The following TKT variants were observed in gnomAD, a reference collection of about 807,000 sequenced individuals.
The protein encoded by TKT is transketolase.
In TKT, 47 loss-of-function variants were observed where a neutral mutation model predicts 63.9. That is an observed-to-expected ratio of 0.74 (90% CI 0.58 to 0.94). TKT has a LOEUF of 0.94. TKT is among the 40% of genes least tolerant of loss of function. TKT has a pLI of 0.00. For missense variants in TKT, 721 were observed against 846.2 expected (o/e 0.85, Z 1.84); for synonymous variants, 338 against 334.1 (o/e 1.01, Z -0.13).
chr3:53,242,209 G>A lies in TKT; in HGVS notation c.141C>T (p.Ile47=). The A allele has an allele frequency of 6.2e-7, 1 of 1,614,138 alleles. No individual in the cohort carries two copies. Among genetic ancestry groups the A allele is most frequent in the Non-Finnish European group, 8.5e-7 (1 of 1,180,020 alleles). The change falls in exon 2 of 14, where the codon ATC becomes ATT. Residue 47 remains isoleucine, a synonymous_variant. Transcript: ENST00000462138. ...HPTSCCSAAE[I]MAVLFFHTMR... ...TGGTGTGGAAAAAGAGGACAGCCAT[G>A]ATCTCTGCGGCGCTGCAGCATGACG... is the stretch of plus-strand genomic sequence containing the variant.
chr3:53,227,032 G>A (rs1704530149), intron 12 of TKT, 154 bp from the exon 13 acceptor site: 1 of 905,800 alleles, frequency 1.1e-6, no homozygotes. Flanking sequence ...TTGCCACCTC[G>A]TTCCCATGGC....
At chr3:53,250,311 C>T (rs1705691184) in intron 1 of TKT, among the ~76,000 whole-genome samples, 1 of 152,130 alleles carries the variant, frequency 6.6e-6, no homozygotes. Context: ...TCAGCCAAAG[C>T]ACCTGGATGT....
At chr3:53,236,889 T>C (rs1299222101) in intron 4 of TKT, among the ~76,000 whole-genome samples, 2 of 152,138 alleles carry the variant, frequency 1.3e-5, no homozygotes, top group Non-Finnish European at 2.9e-5. Flanking sequence ...CCCTGAGGCT[T>C]GGTATTGCCT....
intron 1 of TKT, among the ~76,000 whole-genome samples, chr3:53,254,978 C>T (rs1553682058): frequency 2.0e-5 from 3 of 152,236 alleles, no homozygotes; most frequent in Non-Finnish European, 2.9e-5. Flanking sequence ...GGCCCTGCCC[C>T]AGGACGTCAC....
chr3:53,229,014 TTGGCGGCTAGTTCCAC>T lies in TKT; in HGVS notation c.1372_1387del (p.Val458IlefsTer34). 6.2e-7 allele frequency: 1 copy of T among 1,614,108 alleles called. No individual in the cohort carries two copies. The highest frequency in any genetic ancestry group is 8.5e-7 in the Non-Finnish European group (1 of 1,180,010). On this transcript the variant is annotated frameshift_variant, in exon 10 of 14. Transcript: ENST00000462138. LOFTEE classifies it high-confidence loss of function. ...AACAGCCATGCAACCTACCTTTGTA[TTGGCGGCTAGTTCCAC>T]TGCCTTCTCTGTAGCAACGCCATCA... is the stretch of plus-strand genomic sequence containing the variant.
At chr3:53,252,271 C>T (rs1439147424) in intron 1 of TKT, among the ~76,000 whole-genome samples, 3 of 152,220 alleles carry the variant, frequency 2.0e-5, no homozygotes, top group African/African-American at 4.8e-5. Context: ...TCACTCTATG[C>T]CTCATTGCAG....
chr3:53,233,498 G>A (rs1704869113), intron 5 of TKT: 2 of 463,790 alleles, frequency 4.3e-6, no homozygotes, highest in Non-Finnish European at 7.6e-6. Context: ...GTTTGCCTCT[G>A]AACAGGTTTT....
At chr3:53,228,863 C>T in intron 10 of TKT, 144 bp downstream of exon 10, 1 of 1,228,172 alleles carries the variant, frequency 8.1e-7, no homozygotes, top group Non-Finnish European at 1.1e-6. Flanking sequence ...TTTTTCTTGT[C>T]TAACTTCCAC....
intron 7 of TKT, 96 bp downstream of exon 7, chr3:53,231,261 C>CTCCTCCCTT (rs782034425): frequency 1.7e-5 from 24 of 1,403,054 alleles, no homozygotes; most frequent in Non-Finnish European, 2.3e-5. Flanking sequence ...ATGAATCGCT[C>CTCCTCCCTT]TCCTCCCTTT....
chr3:53,226,577 T>C, intron 13 of TKT, 179 bp downstream of exon 13: 3 of 794,512 alleles, frequency 3.8e-6, no homozygotes, highest in South Asian at 1.8e-5. Context: ...GTGAGTTAGC[T>C]AGGTCCCCAG....
At position 53,255,888 on chromosome 3, in the gene TKT, C is replaced by T. The variant is rs868959815; in HGVS notation, c.55G>A (p.Ala19Thr). 1 of 1,549,978 alleles carries T rather than the reference C, an allele frequency of 6.5e-7. No individual in the cohort carries two copies. Among genetic ancestry groups the T allele is most frequent in the Middle Eastern group, 1.7e-4 (1 of 5,778 alleles). ...QQKLQALKDT[A>T]NRLRISSIQA... ...ATGGAGCTGATACGTAGGCGGTTGG[C>T]CGTGTCCTTCAAGGCCTGCAGCTTC... The change falls in exon 1 of 14, where the codon GCC becomes ACC. Residue 19 changes from alanine (A) to threonine (T), a missense_variant. Coordinates refer to ENST00000462138, the MANE Select transcript of TKT (RefSeq NM_001064.4).
At chr3:53,238,084 C>A (rs1259260417) in intron 4 of TKT, among the ~76,000 whole-genome samples, 2 of 152,156 alleles carry the variant, frequency 1.3e-5, no homozygotes, top group Non-Finnish European at 2.9e-5. Context: ...TCCCTGGATG[C>A]CCTGGCCCCT....
chr3:53,235,286 G>T, intron 4 of TKT, 112 bp from the exon 5 acceptor site: 1 of 993,518 alleles, frequency 1.0e-6, no homozygotes, highest in Non-Finnish European at 1.4e-6. Context: ...GCCACGCATG[G>T]ATATGCAGAA....
At chr3:53,241,302 T>C in intron 2 of TKT, 57 bp from the exon 3 acceptor site, 2 of 1,478,850 alleles carry the variant, frequency 1.4e-6, no homozygotes, top group Non-Finnish European at 1.8e-6. Context: ...TACTTCGGGC[T>C]GTGCCTACTT....
chr3:53,229,175 C>T (rs1559646123), intron 9 of TKT, 38 bp from the exon 10 acceptor site: 7 of 1,613,710 alleles, frequency 4.3e-6, no homozygotes, highest in Non-Finnish European at 5.9e-6. Flanking sequence ...AAATAAGACC[C>T]CTACCCCCCC....
At chr3:53,241,032 A>T (rs1705247487) in intron 3 of TKT, 100 bp downstream of exon 3, 2 of 1,002,280 alleles carry the variant, frequency 2.0e-6, no homozygotes, top group Non-Finnish European at 1.4e-6. Flanking sequence ...GCCTTTCAAC[A>T]CCTTTGGCTT....
intron 2 of TKT, 31 bp from the exon 3 acceptor site, chr3:53,241,276 A>G (rs782459266): frequency 2.5e-6 from 4 of 1,578,436 alleles, no homozygotes; most frequent in East Asian, 2.3e-5. Context: ...GGGTGAGGTC[A>G]GGTGGGGAGC....
chr3:53,241,356 T>C, intron 2 of TKT, 111 bp from the exon 3 acceptor site: 1 of 864,704 alleles, frequency 1.2e-6, no homozygotes, highest in Non-Finnish European at 1.7e-6. Flanking sequence ...AACTGCAGCA[T>C]CCATTTCAGG....
Position 53,225,651 on chromosome 3 carries a change from AT to A in TKT, c.*104del. On this transcript the variant is annotated 3_prime_UTR_variant, in exon 14 of 14. Transcript: ENST00000462138. ...AAAGAAAACATTTCAGGGCCAATTCATTTTTCTCAAAACATATATTTACCCC... is the reference window on the plus strand; with the variant it reads ...AAAGAAAACATTTCAGGGCCAATTCATTTTCTCAAAACATATATTTACCCC... The A allele has an allele frequency of 7.6e-7, 1 of 1,312,928 alleles. No individual in the cohort carries two copies. Among genetic ancestry groups the A allele is most frequent in the Non-Finnish European group, 1.0e-6 (1 of 973,836 alleles). The allele number at this position is 1,312,928 out of a possible 1,614,324, so 81.3% of individuals were successfully genotyped here. A position where few individuals can be genotyped will look rare whatever the true frequency, so the allele number is the denominator to read the frequency against.
Sources: gnomAD v4.1 joint callset for allele counts (sites outside exome capture counted in the v4.1 genomes callset) on GRCh38, gnomAD v4.1.1 for gene constraint, MANE v1.5 for transcripts, NCBI Gene and HGNC (gene_info 2026-07-23, HGNC 2026-07-21) for gene names.